MTHFD2L: variants seen among roughly 807,000 people sequenced by gnomAD.
MTHFD2L encodes the protein methylenetetrahydrofolate dehydrogenase (NADP+ dependent) 2 like.
In MTHFD2L, 29 loss-of-function variants were observed where a neutral mutation model predicts 34.9. The observed-to-expected ratio is 0.83, with a 90% CI of 0.62 to 1.13. The LOEUF (loss-of-function observed/expected upper bound fraction) is 1.13. Ranked by LOEUF, MTHFD2L falls within the 50% of genes most tolerant of loss-of-function variation. MTHFD2L has a pLI of 0.00. For missense variants in MTHFD2L, 481 were observed against 446.5 expected (o/e 1.08, Z -0.70); for synonymous variants, 167 against 155.7 (o/e 1.07, Z -0.54).
intron 6 of MTHFD2L, among the ~76,000 whole-genome samples, chr4:74,278,800 G>A (rs905688345): frequency 6.6e-6 from 1 of 152,108 alleles, no homozygotes; most frequent in Non-Finnish European, 1.5e-5. Flanking sequence ...CAGAAAAAAG[G>A]TGAAAATGCA....
intron 7 of MTHFD2L, among the ~76,000 whole-genome samples, chr4:74,300,631 A>G (rs1363724818): frequency 2.0e-5 from 3 of 152,040 alleles, no homozygotes; most frequent in Non-Finnish European, 2.9e-5. Flanking sequence ...CCACCATACC[A>G]TCAAGTAAAT....
chr4:74,263,388 A>G (rs117373618), intron 6 of MTHFD2L, among the ~76,000 whole-genome samples: 7 of 151,880 alleles, frequency 4.6e-5, no homozygotes, highest in East Asian at 3.9e-4. Context: ...TCTAAAATCT[A>G]TAAATTGAAT....
chr4:74,195,044 G>C (rs973568442), intron 3 of MTHFD2L: 3 of 152,212 alleles, frequency 2.0e-5, no homozygotes, highest in Admixed American at 6.5e-5. Flanking sequence ...AGAAGGTAGG[G>C]ATTTAGCCTA....
chr4:74,269,788 T>G (rs1287872584), intron 6 of MTHFD2L, among the ~76,000 whole-genome samples: 2 of 152,080 alleles, frequency 1.3e-5, no homozygotes, highest in East Asian at 3.9e-4. Context: ...ATTATTTAGG[T>G]CCAGGCGGAA....
At chr4:74,298,205 T>G (rs1749861147) in intron 7 of MTHFD2L, among the ~76,000 whole-genome samples, 1 of 152,068 alleles carries the variant, frequency 6.6e-6, no homozygotes, top group Non-Finnish European at 1.5e-5. Context: ...AATAACCAGG[T>G]GTGTTTACAA....
rs555133515 is a variant in MTHFD2L at position 74,128,107 on chromosome 4, C to T, written c.-297+2590C>T. On this transcript the variant is annotated intron_variant, in intron 1 of 7. Transcript: ENST00000433372. The stretch of plus-strand genomic sequence containing the variant: ...TTTAAAATCAGATTATTTTGTTTTG[C>T]GCTATTGAATTGTTGGAGCTCCTTA... 1.1e-4 allele frequency among the ~76,000 whole-genome samples: 17 copies of T among 151,824 alleles called. No individual in the cohort carries two copies. The South Asian group carries it at 2.5e-3, about 22-fold the overall frequency.
At chr4:74,281,108 G>A (rs16850833) in intron 6 of MTHFD2L, among the ~76,000 whole-genome samples, 16,064 of 151,658 alleles carry the variant, frequency 0.11, 2,227 homozygotes, top group African/African-American at 0.32. Context: ...CATGTCCGCA[G>A]TCTCCCCATG....
intron 1 of MTHFD2L, among the ~76,000 whole-genome samples, chr4:74,166,314 A>G (rs1270197002): frequency 6.6e-6 from 1 of 152,224 alleles, no homozygotes; most frequent in Non-Finnish European, 1.5e-5. Flanking sequence ...TTGCAGCTGC[A>G]TAACTCCAGT....
upstream of MTHFD2L, chr4:74,157,372 G>A (rs771883827): frequency 5.8e-5 from 17 of 292,026 alleles, no homozygotes; most frequent in Admixed American, 1.9e-4. Context: ...ATCTGTGACT[G>A]TTTTTTGTGT....
intron 3 of MTHFD2L, among the ~76,000 whole-genome samples, chr4:74,187,457 T>G (rs1355024853): frequency 6.6e-6 from 1 of 152,170 alleles, no homozygotes; most frequent in African/African-American, 2.4e-5. Context: ...GTAAAAGTAT[T>G]TGAACAGACA....
intron 1 of MTHFD2L, among the ~76,000 whole-genome samples, chr4:74,126,190 A>C (rs1442167052): frequency 1.3e-5 from 2 of 152,204 alleles, no homozygotes; most frequent in Non-Finnish European, 2.9e-5. Flanking sequence ...AAATGAAATG[A>C]ATAGCAAAAC....
intron 1 of MTHFD2L, among the ~76,000 whole-genome samples, chr4:74,144,509 G>A (rs1723470568): frequency 6.6e-6 from 1 of 152,052 alleles, no homozygotes. Flanking sequence ...CACTCTATTA[G>A]TGGTGCTGGG....
chr4:74,222,858 A>G (rs1040854917), intron 5 of MTHFD2L, among the ~76,000 whole-genome samples: 2 of 151,994 alleles, frequency 1.3e-5, no homozygotes, highest in African/African-American at 4.8e-5. Flanking sequence ...TACATGAATC[A>G]TTTGTAGATA....
chr4:74,235,267 G>A (rs1740680596), intron 6 of MTHFD2L, among the ~76,000 whole-genome samples: 1 of 152,102 alleles, frequency 6.6e-6, no homozygotes, highest in Non-Finnish European at 1.5e-5. Flanking sequence ...TAGCATTGAT[G>A]TAGTTCTACA....
At chr4:74,160,074 T>C (rs1164759166) in intron 1 of MTHFD2L, 1 of 1,289,252 alleles carries the variant, frequency 7.8e-7, no homozygotes, top group Non-Finnish European at 1.0e-6. Context: ...AGAGAAGAGA[T>C]TCCATCTTCC....
chr4:74,280,170 A>G (rs1747249886), intron 6 of MTHFD2L: 1 of 152,104 alleles, frequency 6.6e-6, no homozygotes, highest in Non-Finnish European at 1.5e-5. Context: ...TTCTCCTCCC[A>G]TTGAGAAGTG....
rs767868579 is a variant in MTHFD2L, at chr4:74,199,812, C to T, written c.470C>T (p.Thr157Ile). Reference protein sequence around the residue: ...LPLPDHVDERTICNGIAPEKD... With the variant: ...LPLPDHVDERIICNGIAPEKD... The stretch of plus-strand genomic sequence containing the variant: ...TTTTCAGACCACGTTGATGAGCGAA[C>T]AATATGCAATGGAATTGCCCCAGAA... The change falls in exon 4 of 8, where the codon ACA (threonine) becomes ATA (isoleucine). Residue 157 changes from threonine (T) to isoleucine (I), a missense_variant. Transcript: ENST00000325278. 4.3e-6 allele frequency: 7 copies of T among 1,611,074 alleles called. No homozygotes were observed. The South Asian group carries it at 6.6e-5, about 15-fold the overall frequency.
Position 74,175,420 on chromosome 4 carries a change from TTATTTATC to T in MTHFD2L, c.451+19_451+26del, listed in dbSNP as rs1553901872. On this transcript the variant is annotated intron_variant, in intron 3 of 7. Transcript: ENST00000325278. The stretch of plus-strand genomic sequence containing the variant: ...CACTACCAGGTACATAATGCTCCTC[TTATTTATC>T]TGATTTTGTTAAAAGTGAAACAAAG... The T allele has an allele frequency of 6.9e-6, 11 of 1,591,602 alleles. No homozygotes were observed. The highest frequency in any genetic ancestry group is 9.4e-6 in the Non-Finnish European group (11 of 1,171,744).
intron 5 of MTHFD2L, among the ~76,000 whole-genome samples, chr4:74,217,818 TCTC>T (rs1207621702): frequency 2.7e-5 from 4 of 149,250 alleles, no homozygotes; most frequent in African/African-American, 1.0e-4. Context: ...AGTAATATGC[TCTC>T]CTCATATTTT....
Sources: allele counts gnomAD v4.1 joint callset (sites outside exome capture counted in the v4.1 genomes callset), GRCh38; gene constraint gnomAD v4.1.1; transcripts MANE v1.5; gene names NCBI Gene and HGNC (gene_info 2026-07-23, HGNC 2026-07-21).